Variants in FAM161A observed in about 807,000 individuals in gnomAD.
The protein encoded by FAM161A is protein FAM161A.
FAM161A carries 57 observed loss-of-function variants against 70.9 expected under a neutral mutation model. The observed-to-expected ratio is 0.80, with a 90% confidence interval of 0.65 to 1.00. The LOEUF is 1.00. Ranked by LOEUF, FAM161A falls within the 50% of genes least tolerant of loss-of-function variation. FAM161A has a pLI of 0.00. For missense variants in FAM161A, 880 were observed against 836.0 expected, an observed-to-expected ratio of 1.05 and a Z score of -0.65; for synonymous variants, 299 against 295.7, an observed-to-expected ratio of 1.01 and a Z score of -0.12.
chr2:61,840,462 A>T lies in FAM161A; in HGVS notation c.542T>A (p.Leu181Gln). The T allele has an allele frequency of 6.2e-7, 1 of 1,614,014 alleles. No individual in the cohort carries two copies. The highest frequency in any genetic ancestry group is 8.5e-7 in the Non-Finnish European group (1 of 1,179,990). ...GTTTTTCCTAGGATACTCTTTTTCT[A>T]GGTTGGGTAACTCCTCTTCAGAGGA... ...VSSSEEELPN[L>Q]EKEYPRKNRM... The change falls in exon 3 of 7, where the codon CTA (leucine) becomes CAA (glutamine). Residue 181 changes from leucine (L) to glutamine (Q), a missense_variant. Transcript: ENST00000404929.
the FAM161A span, among the ~76,000 whole-genome samples, chr2:61,813,083 G>A: frequency 3.3e-5 from 5 of 151,942 alleles, no homozygotes; most frequent in Admixed American, 2.0e-4. Context: ...AAAAATGAAT[G>A]CTTAAGTGTA....
rs772340647 is a variant in FAM161A, at chr2:61,840,173, C to T, written c.831G>A (p.Glu277=). 1.2e-6 allele frequency: 2 copies of T among 1,614,090 alleles called. No individual in the cohort carries two copies. The highest frequency in any genetic ancestry group is 2.2e-5 in the South Asian group (2 of 91,080). Residue 277 remains glutamate (E), a synonymous_variant, in exon 3 of 7, where the codon GAG becomes GAA. Transcript: ENST00000404929. The part of the protein sequence containing the change: ...KALKKQEEDP[E]YKKKFRANPV... ...GATTGGCTCGGAATTTCTTCTTATACTCTGGATCCTCTTCTTGTTTTTTGA... is the reference window on the plus strand; with the variant it reads ...GATTGGCTCGGAATTTCTTCTTATATTCTGGATCCTCTTCTTGTTTTTTGA...
intron 5 of FAM161A, among the ~76,000 whole-genome samples, chr2:61,828,164 T>C (rs1163137674): frequency 6.6e-6 from 1 of 152,120 alleles, no homozygotes; most frequent in Non-Finnish European, 1.5e-5. Context: ...CATAGGGTTT[T>C]TGGGGTGCTG....
the FAM161A span, among the ~76,000 whole-genome samples, chr2:61,815,501 G>GA: frequency 7.7e-6 from 1 of 130,624 alleles, no homozygotes; most frequent in Non-Finnish European, 1.6e-5. Flanking sequence ...CTGTTTACTA[G>GA]AAAAATCCTC....
the FAM161A span, among the ~76,000 whole-genome samples, chr2:61,806,556 C>T: frequency 6.6e-6 from 1 of 151,752 alleles, no homozygotes. Context: ...AGTTTTCACA[C>T]AGATGAAACT....
downstream of FAM161A, among the ~76,000 whole-genome samples, chr2:61,823,307 T>C (rs1014610530): frequency 1.4e-5 from 2 of 140,722 alleles, no homozygotes; most frequent in Non-Finnish European, 3.1e-5. Flanking sequence ...CACTCCAGAC[T>C]GGGCGACAGA....
rs1354445943 is a variant in FAM161A at position 61,840,584 on chromosome 2, A to G, written c.423-3T>C. 1 of 1,564,932 alleles carries G rather than the reference A, an allele frequency of 6.4e-7. No individual in the cohort carries two copies. The highest frequency in any genetic ancestry group is 8.8e-7 in the Non-Finnish European group (1 of 1,135,304). On this transcript the variant is annotated splice_polypyrimidine_tract_variant and splice_region_variant and intron_variant, in intron 2 of 6. Transcript: ENST00000404929. ...AGGAGTTCTTTTCTGATACAGATCT[A>G]AATGAGAAGAATAACTATGTTATAC...
chr2:61,840,503 G>A lies in FAM161A; in HGVS notation c.501C>T (p.Ser167=). The A allele has an allele frequency of 6.2e-7, 1 of 1,613,956 alleles. No homozygotes were observed. Among genetic ancestry groups the A allele is most frequent in the Non-Finnish European group, 8.5e-7 (1 of 1,179,880 alleles). Residue 167 remains serine (S), a synonymous_variant, in exon 3 of 7, where the codon TCC becomes TCT. Transcript: ENST00000404929. The part of the protein sequence containing the change: ...SFSEPDLGQS[S]SLYVSSSEEE... ...CTTCAGAGGAGGACACATACAAGGAGGAAGACTGGCCTAAATCAGGCTCTG... is the reference window on the plus strand; with the variant it reads ...CTTCAGAGGAGGACACATACAAGGAAGAAGACTGGCCTAAATCAGGCTCTG...
intron 1 of FAM161A, among the ~76,000 whole-genome samples, chr2:61,846,106 A>C (rs939295273): frequency 1.3e-5 from 2 of 151,484 alleles, no homozygotes; most frequent in Admixed American, 1.3e-4. Flanking sequence ...AAAAAAAAAA[A>C]AAAAAAGAAT....
At chr2:61,836,264 C>A (rs1158373261) in intron 4 of FAM161A, 155 bp from the exon 5 acceptor site, 2 of 648,878 alleles carry the variant, frequency 3.1e-6, no homozygotes, top group East Asian at 5.5e-5. Flanking sequence ...AAGCACAGTT[C>A]ACAGTTTACC....
At chr2:61,818,979 C>T in the FAM161A span, among the ~76,000 whole-genome samples, 1 of 152,148 alleles carries the variant, frequency 6.6e-6, no homozygotes, top group Non-Finnish European at 1.5e-5. Flanking sequence ...ACATTCTGTG[C>T]CTCCCCACTT....
chr2:61,838,147 C>T lies in FAM161A; in HGVS notation c.1751+391G>A, dbSNP rs186132092. ...TGTGCTAATGAACACATCACATAAC[C>T]GATGTTTAACGTGTTAATTTGTGCT... On this transcript the variant is annotated intron_variant, in intron 4 of 6. Coordinates refer to ENST00000404929, the MANE Select transcript of FAM161A (RefSeq NM_001201543.2). Among the ~76,000 whole-genome samples, 255 of 152,262 alleles carry T rather than the reference C, an allele frequency of 1.7e-3. 1 individual carries two copies. Among genetic ancestry groups the T allele is most frequent in the African/African-American group, 5.8e-3 (239 of 41,510 alleles).
intron 3 of FAM161A, 69 bp from the exon 4 acceptor site, chr2:61,838,774 A>G: frequency 8.5e-7 from 1 of 1,179,326 alleles, no homozygotes; most frequent in Non-Finnish European, 1.1e-6. Context: ...AAGATTTAAC[A>G]TGGGATAATT....
chr2:61,823,608 C>T (rs978343343), downstream of FAM161A, among the ~76,000 whole-genome samples: 1 of 151,872 alleles, frequency 6.6e-6, no homozygotes, highest in African/African-American at 2.4e-5. Flanking sequence ...TCAAGTGAGC[C>T]GCCTTCCTCT....
chr2:61,809,878 A>T, the FAM161A span, among the ~76,000 whole-genome samples: 263 of 152,338 alleles, frequency 1.7e-3, 6 homozygotes, highest in East Asian at 0.045. Context: ...ATCCCAGTCT[A>T]GCCTGGTGGA....
At chr2:61,803,267 C>T in the FAM161A span, 1 of 622,404 alleles carries the variant, frequency 1.6e-6, no homozygotes, top group Non-Finnish European at 3.0e-6. Flanking sequence ...AGAACTCATG[C>T]TGGTGGTGGC....
At chr2:61,801,089 T>C in the FAM161A span, among the ~76,000 whole-genome samples, 2 of 151,954 alleles carry the variant, frequency 1.3e-5, no homozygotes, top group Admixed American at 1.3e-4. Flanking sequence ...GCCACCGCAC[T>C]CAGCCATAAA....
chr2:61,835,924 G>T, intron 5 of FAM161A, 86 bp downstream of exon 5: 1 of 886,466 alleles, frequency 1.1e-6, no homozygotes, highest in Non-Finnish European at 1.8e-6. Flanking sequence ...TAACACATAA[G>T]AAAAATGGAC....
At chr2:61,835,860 TG>T in intron 5 of FAM161A, 149 bp downstream of exon 5, 2 of 689,072 alleles carry the variant, frequency 2.9e-6, no homozygotes, top group Non-Finnish European at 2.6e-6. Flanking sequence ...AATTACTCAT[TG>T]GCTGATATGA....
Sources: allele counts gnomAD v4.1 joint callset (sites outside exome capture counted in the v4.1 genomes callset), GRCh38; gene constraint gnomAD v4.1.1; transcripts MANE v1.5; gene names NCBI Gene and HGNC (gene_info 2026-07-23, HGNC 2026-07-21).